The following AK9 variants were observed in gnomAD, a reference collection of about 807,000 sequenced individuals.
AK9 encodes adenylate kinase 9.
Under a neutral mutation model 239.6 loss-of-function variants are expected in AK9, and 191 were observed. The observed-to-expected ratio is 0.80, with a 90% CI of 0.71 to 0.90. The LOEUF (loss-of-function observed/expected upper bound fraction) is 0.90. AK9 is among the 40% of genes least tolerant of loss of function. AK9 has a pLI of 0.00. For missense variants in AK9, 1,995 were observed against 2,214.7 expected, an observed-to-expected ratio of 0.90 and a Z score of 1.99; for synonymous variants, 689 against 721.0, an observed-to-expected ratio of 0.96 and a Z score of 0.71.
intron 17 of AK9, among the ~76,000 whole-genome samples, chr6:109,597,670 C>T (rs528330551): frequency 2.0e-4 from 17 of 85,162 alleles, no homozygotes; most frequent in African/African-American, 7.3e-4. Context: ...GAGACACCGT[C>T]TCAAAAAAAA....
chr6:109,612,791 G>C (rs547120919), intron 15 of AK9, among the ~76,000 whole-genome samples: 1 of 151,656 alleles, frequency 6.6e-6, no homozygotes, highest in South Asian at 2.1e-4. Context: ...CAAAAAATCA[G>C]CTCTACATTA....
In AK9 at chr6:109,537,497, T is replaced by C. The variant is rs1410581720; in HGVS notation, c.3351-4027A>G. 6.4e-5 allele frequency among the ~76,000 whole-genome samples: 9 copies of C among 139,804 alleles called. 1 individual carries two copies. Among genetic ancestry groups the C allele is most frequent in the Non-Finnish European group, 1.6e-5 (1 of 61,098 alleles). The allele number at this position is 139,804 out of a possible 152,430, so 91.7% of individuals were successfully genotyped here. A position where few individuals can be genotyped will look rare whatever the true frequency, so the allele number is the denominator to read the frequency against. On this transcript the variant is annotated intron_variant, in intron 27 of 40. Coordinates refer to ENST00000424296, the MANE Select transcript of AK9 (RefSeq NM_001145128.3). Reference sequence around the variant, plus strand: ...GCATCTATTTGATTCTTCTCTCTTTTCTTCTTCATTAGTCTTGCTAGCAGT... The same window carrying C: ...GCATCTATTTGATTCTTCTCTCTTTCCTTCTTCATTAGTCTTGCTAGCAGT...
At chr6:109,625,248 C>T (rs77473837) in intron 12 of AK9, among the ~76,000 whole-genome samples, 1 of 152,166 alleles carries the variant, frequency 6.6e-6, no homozygotes, top group Non-Finnish European at 1.5e-5. Flanking sequence ...TTTGTGTTAA[C>T]TCATTTTTCA....
chr6:109,674,770 T>A (rs1309751155), intron 2 of AK9, among the ~76,000 whole-genome samples: 2 of 152,238 alleles, frequency 1.3e-5, no homozygotes, highest in Non-Finnish European at 2.9e-5. Flanking sequence ...GCTTTCACTG[T>A]TGACTTTTTA....
In AK9 at chr6:109,610,521, A is replaced by T. The variant is rs1323746804; in HGVS notation, c.1694-8T>A. Reference sequence around the variant, plus strand: ...TCAAGTCTTCTGTTGGGGCTAAAGTAAAATAAGCTGATAAATTAATGCCAT... The same window carrying T: ...TCAAGTCTTCTGTTGGGGCTAAAGTTAAATAAGCTGATAAATTAATGCCAT... On this transcript the variant is annotated splice_polypyrimidine_tract_variant and splice_region_variant and intron_variant, in intron 16 of 40. Coordinates refer to ENST00000424296, the MANE Select transcript of AK9 (RefSeq NM_001145128.3). The T allele has an allele frequency of 2.6e-6, 4 of 1,546,776 alleles. No individual in the cohort carries two copies. The South Asian group carries it at 4.8e-5, about 19-fold the overall frequency.
intron 12 of AK9, among the ~76,000 whole-genome samples, chr6:109,627,708 T>C (rs988081087): frequency 6.6e-6 from 1 of 152,088 alleles, no homozygotes; most frequent in Non-Finnish European, 1.5e-5. Context: ...CAGGCTGGAA[T>C]GCAGTGGTGT....
chr6:109,609,734 C>T (rs1392322897), intron 17 of AK9, among the ~76,000 whole-genome samples: 1 of 152,094 alleles, frequency 6.6e-6, no homozygotes, highest in Non-Finnish European at 1.5e-5. Flanking sequence ...CAGAGATATA[C>T]AGAAGTTCAT....
chr6:109,595,493 A>G (rs1790898507), intron 17 of AK9, among the ~76,000 whole-genome samples: 1 of 152,184 alleles, frequency 6.6e-6, no homozygotes, highest in South Asian at 2.1e-4. Flanking sequence ...CAGCAATCCC[A>G]TTACTGGGTA....
In AK9 at chr6:109,506,779, A is replaced by G; in HGVS notation, c.4503T>C (p.Pro1501=). 6.6e-7 allele frequency: 1 copy of G among 1,507,914 alleles called. No homozygotes were observed. Among genetic ancestry groups the G allele is most frequent in the South Asian group, 1.3e-5 (1 of 78,316 alleles). 93.4% of individuals were successfully genotyped at this position (1,507,914 alleles called of 1,614,324 possible). The part of the protein sequence containing the change: ...NTAGVVIDGY[P]VTKHQMNLLE... Reference sequence around the variant, plus strand: ...AGAGATTCATTTGATGTTTAGTTACAGGATATCCATCGATGACAACACTAA... The same window carrying G: ...AGAGATTCATTTGATGTTTAGTTACGGGATATCCATCGATGACAACACTAA... Residue 1501 remains proline (P), a synonymous_variant, in exon 34 of 41, where the codon CCT becomes CCC. Coordinates refer to ENST00000424296, the MANE Select transcript of AK9 (RefSeq NM_001145128.3).
intron 5 of AK9, among the ~76,000 whole-genome samples, chr6:109,663,212 A>G (rs1468804427): frequency 6.6e-6 from 1 of 152,144 alleles, no homozygotes; most frequent in African/African-American, 2.4e-5. Flanking sequence ...AGAAATCTCA[A>G]TCTTCTCACT....
intron 29 of AK9, among the ~76,000 whole-genome samples, chr6:109,524,504 T>C (rs962495013): frequency 1.3e-5 from 2 of 152,150 alleles, no homozygotes; most frequent in African/African-American, 2.4e-5. Context: ...GAAAATGATA[T>C]GTAGGTACAC....
chr6:109,601,327 G>A (rs981085888), intron 17 of AK9, among the ~76,000 whole-genome samples: 19 of 152,174 alleles, frequency 1.2e-4, no homozygotes, highest in Non-Finnish European at 1.0e-4. Flanking sequence ...CTTTCATTTC[G>A]TTATGTACCC....
chr6:109,684,701 C>T (rs928476683), intron 1 of AK9, among the ~76,000 whole-genome samples: 40 of 138,856 alleles, frequency 2.9e-4, no homozygotes, highest in African/African-American at 8.5e-4. Flanking sequence ...GGTGAAACCC[C>T]GTCTCTACTA....
rs775080343 is a variant in AK9 at position 109,506,386 on chromosome 6, A to G, written c.4790T>C (p.Ile1597Thr). The G allele has an allele frequency of 3.1e-6, 5 of 1,613,686 alleles. No individual in the cohort carries two copies. Among genetic ancestry groups the G allele is most frequent in the Admixed American group, 3.3e-5 (2 of 59,998 alleles). The change falls in exon 35 of 41, where the codon ATT (isoleucine) becomes ACT (threonine). Residue 1597 changes from isoleucine to threonine, a missense_variant. Ile to Thr is a moderately conservative substitution (Grantham distance 89). This residue lies in a region of AK9 where 391 missense variants were observed against 456.0 expected (regional missense o/e 0.86). Coordinates refer to ENST00000424296, the MANE Select transcript of AK9 (RefSeq NM_001145128.3). ...TTTATTCACCATTTGAACATTCTTA[A>G]TGACTTCATTCCATACCCACCATTT... ...HSKWWVWNEV[I>T]KNVQMVNKYM...
chr6:109,680,076 T>A (rs187269118), intron 1 of AK9, among the ~76,000 whole-genome samples: 9 of 152,170 alleles, frequency 5.9e-5, no homozygotes, highest in Non-Finnish European at 1.0e-4. Context: ...CTTGCCAGCA[T>A]GGGAACAAAA....
At chr6:109,633,432 A>T in intron 10 of AK9, 109 bp from the exon 11 acceptor site, 2 of 1,254,088 alleles carry the variant, frequency 1.6e-6, no homozygotes, top group South Asian at 3.0e-5. Flanking sequence ...TTAAGAAATA[A>T]TTTAAAAAGG....
At chr6:109,528,791 G>C (rs1287242784) in intron 29 of AK9, 7 of 694,860 alleles carry the variant, frequency 1.0e-5, no homozygotes, top group Non-Finnish European at 1.2e-5. Context: ...GTTACAAGAG[G>C]GTCAGCCTTG....
At chr6:109,610,343 A>C in intron 17 of AK9, 22 bp downstream of exon 17, 1 of 1,549,648 alleles carries the variant, frequency 6.5e-7, no homozygotes, top group Non-Finnish European at 8.7e-7. Context: ...ACTGATAAGA[A>C]TTGCCCAGCT....
At chr6:109,664,666 G>A (rs1165981940) in intron 5 of AK9, among the ~76,000 whole-genome samples, 1 of 151,472 alleles carries the variant, frequency 6.6e-6, no homozygotes, top group Non-Finnish European at 1.5e-5. Context: ...CTCGTGATCC[G>A]CCTGCCTCGG....
Sources: allele counts gnomAD v4.1 joint callset (sites outside exome capture counted in the v4.1 genomes callset), GRCh38; gene constraint gnomAD v4.1.1; regional missense constraint gnomAD v4.1.1; transcripts MANE v1.5; gene names NCBI Gene and HGNC (gene_info 2026-07-23, HGNC 2026-07-21).